Variants in MSI1 observed in about 807,000 individuals in gnomAD.
MSI1 encodes the protein RNA-binding protein Musashi homolog 1.
In MSI1, 15 loss-of-function variants were observed where a neutral mutation model predicts 54.4. The observed-to-expected ratio is 0.28, with a 90% CI of 0.18 to 0.42. MSI1 has a LOEUF of 0.42. Ranked by LOEUF, MSI1 falls within the 20% of genes least tolerant of loss-of-function variation. The probability of loss-of-function intolerance (pLI) is 1.00; values close to 1 mark genes in which losing one functional copy is unlikely to be tolerated. For synonymous variants in MSI1, 200 were observed against 196.5 expected (o/e 1.02, Z -0.15); for missense variants, 304 against 506.0 (o/e 0.60, Z 3.83).
chr12:120,344,878 C>T (rs1169366816), intron 14 of MSI1, among the ~76,000 whole-genome samples: 1 of 151,086 alleles, frequency 6.6e-6, no homozygotes, highest in Non-Finnish European at 1.5e-5. Context: ...TAGCTGGGTG[C>T]GGTAGCACAT....
rs1343258803 is a variant in MSI1, at chr12:120,369,077, C to T, written c.15G>A (p.Ala5=). The T allele has an allele frequency of 3.9e-5, 40 of 1,020,118 alleles. No individual in the cohort carries two copies. The highest frequency in any genetic ancestry group is 4.6e-5 in the Non-Finnish European group (39 of 856,820). The allele number at this position is 1,020,118 out of a possible 1,614,324, so 63.2% of individuals were successfully genotyped here. The stretch of plus-strand genomic sequence containing the variant: ...CCGGGGAGGCGAGGCCGGGCTGGGG[C>T]GCGTCAGTCTCCATCGGGAGCCGCG... METD[A]PQPGLASPDS... is the part of the protein sequence containing the mutation. Residue 5 remains alanine (A), a synonymous_variant, in exon 1 of 15, where the codon GCG becomes GCA. Transcript: ENST00000257552.
intron 5 of MSI1, among the ~76,000 whole-genome samples, chr12:120,363,901 C>G (rs532889472): frequency 4.1e-4 from 63 of 152,302 alleles, no homozygotes; most frequent in African/African-American, 1.4e-3. Context: ...TCTAGTTCCA[C>G]CTGGCAAAGG....
intron 11 of MSI1, 148 bp from the exon 12 acceptor site, chr12:120,347,662 C>T: frequency 1.1e-6 from 1 of 881,364 alleles, no homozygotes; most frequent in Non-Finnish European, 1.8e-6. Context: ...AAAAGGCTAC[C>T]TTGGGCCACA....
chr12:120,349,789 A>T (rs1259114353), intron 11 of MSI1, among the ~76,000 whole-genome samples: 1 of 152,188 alleles, frequency 6.6e-6, no homozygotes, highest in Non-Finnish European at 1.5e-5. Context: ...TAAAAGGGAC[A>T]TTTCTTCTGT....
rs193248560 is a variant in MSI1, at chr12:120,355,165, G to A, written c.652+1737C>T. On this transcript the variant is annotated intron_variant, in intron 9 of 14. Coordinates refer to ENST00000257552, the MANE Select transcript of MSI1 (RefSeq NM_002442.4). ...TCACGCCTGTAATCCCAGCACTTTG[G>A]GAGGCTGAGGCGGGCAGATCACGAG... 6.7e-3 allele frequency among the ~76,000 whole-genome samples: 1,022 copies of A among 152,116 alleles called. 15 individuals carry two copies. The highest frequency in any genetic ancestry group is 0.023 in the African/African-American group (968 of 41,518).
intron 13 of MSI1, 69 bp downstream of exon 13, chr12:120,346,066 C>T (rs141228600): frequency 1.5e-6 from 2 of 1,351,852 alleles, no homozygotes; most frequent in African/African-American, 1.5e-5. Flanking sequence ...AAGTTCTCTC[C>T]CTTCCCCAAC....
Position 120,368,361 on chromosome 12 carries a change from C to A in MSI1, c.101-88G>T. The A allele has an allele frequency of 6.0e-6, 8 of 1,324,610 alleles. No individual in the cohort carries two copies. Among genetic ancestry groups the A allele is most frequent in the Non-Finnish European group, 7.1e-6 (7 of 992,566 alleles). The allele number at this position is 1,324,610 out of a possible 1,614,324, so 82.1% of individuals were successfully genotyped here. A position where few individuals can be genotyped will look rare whatever the true frequency, so the allele number is the denominator to read the frequency against. On this transcript the variant is annotated intron_variant, in intron 2 of 14. Coordinates refer to ENST00000257552, the MANE Select transcript of MSI1 (RefSeq NM_002442.4). The surrounding 1 kb of genome is among the most constrained non-coding windows in gnomAD (Gnocchi z 6.6). The stretch of plus-strand genomic sequence containing the variant: ...TTTGCCCCCGGTGACCCCGGAGCGG[C>A]CCGGCCGCCCCCGCGCCAAGCTGCC...
At chr12:120,361,087 G>A (rs976940407) in intron 6 of MSI1, among the ~76,000 whole-genome samples, 11 of 152,122 alleles carry the variant, frequency 7.2e-5, no homozygotes, top group Non-Finnish European at 1.3e-4. Context: ...TACACGGGGG[G>A]AACGTGGCAA....
At chr12:120,340,025 G>A (rs1019628023), downstream of MSI1, among the ~76,000 whole-genome samples, 6 of 151,308 alleles carry the variant, frequency 4.0e-5, no homozygotes, top group South Asian at 6.3e-4. Context: ...CAAGGGATCC[G>A]CCTTCCTCAG....
intron 5 of MSI1, 70 bp from the exon 6 acceptor site, chr12:120,363,205 GCC>G: frequency 3.7e-6 from 5 of 1,344,620 alleles, no homozygotes; most frequent in Non-Finnish European, 5.3e-6. Context: ...AGGGGCTCGA[GCC>G]CCCCTGCCAG....
rs941336776 is a variant in MSI1 at position 120,368,591 on chromosome 12, C to T, written c.100+242G>A. ...GGAGTTGGCGCTGCCGCCGGCGGGTCCCGGGGGCCCAGCCCACCCCCCGAT... is the reference window on the plus strand; with the variant it reads ...GGAGTTGGCGCTGCCGCCGGCGGGTTCCGGGGGCCCAGCCCACCCCCCGAT... On this transcript the variant is annotated intron_variant, in intron 2 of 14. Coordinates refer to ENST00000257552, the MANE Select transcript of MSI1 (RefSeq NM_002442.4). The surrounding 1 kb of genome is among the most constrained non-coding windows in gnomAD (Gnocchi z 6.6). Among the ~76,000 whole-genome samples the T allele has an allele frequency of 6.6e-6, 1 of 151,902 alleles. No individual in the cohort carries two copies. Among genetic ancestry groups the T allele is most frequent in the African/African-American group, 2.4e-5 (1 of 41,412 alleles).
intron 9 of MSI1, among the ~76,000 whole-genome samples, chr12:120,354,654 C>A (rs1253957272): frequency 6.6e-6 from 1 of 152,210 alleles, no homozygotes. Context: ...TGGTCTCGAA[C>A]TCCCAACCTC....
chr12:120,364,737 A>C lies in MSI1; in HGVS notation c.286T>G (p.Phe96Val). ...ACCTTGGGCTGTGCTCGCCGAGGGAAGGCCACCTTAGGGTCAATCTACAAG... is the reference window on the plus strand; with the variant it reads ...ACCTTGGGCTGTGCTCGCCGAGGGACGGCCACCTTAGGGTCAATCTACAAG... ...DSKTIDPKVA[F>V]PRRAQPKMVT... Residue 96 changes from phenylalanine (F) to valine (V), a missense_variant, in exon 5 of 15, where the codon TTC (phenylalanine) becomes GTC (valine). This residue lies in a region of MSI1 where 105 missense variants were observed against 230.1 expected (regional missense o/e 0.46). Coordinates refer to ENST00000257552, the MANE Select transcript of MSI1 (RefSeq NM_002442.4). 1 of 1,600,298 alleles carries C rather than the reference A, an allele frequency of 6.2e-7. No homozygotes were observed. The highest frequency in any genetic ancestry group is 8.5e-7 in the Non-Finnish European group (1 of 1,173,636).
intron 6 of MSI1, 86 bp from the exon 7 acceptor site, chr12:120,359,139 C>A (rs951864221): frequency 2.0e-6 from 3 of 1,489,984 alleles, no homozygotes; most frequent in East Asian, 4.9e-5. Context: ...CAACCCACTG[C>A]CCTCTTGCCC....
chr12:120,346,426 C>G, intron 12 of MSI1, 104 bp from the exon 13 acceptor site: 1 of 1,198,058 alleles, frequency 8.3e-7, no homozygotes. Context: ...CCCCACATTT[C>G]AGAAAGTCCT....
At chr12:120,350,731 C>T (rs1296918195) in intron 11 of MSI1, among the ~76,000 whole-genome samples, 5 of 152,208 alleles carry the variant, frequency 3.3e-5, no homozygotes, top group Non-Finnish European at 5.9e-5. Context: ...GAAACCGGCC[C>T]CCTGTCACCT....
At chr12:120,363,280 C>T (rs2136980800) in intron 5 of MSI1, 145 bp from the exon 6 acceptor site, 1 of 640,104 alleles carries the variant, frequency 1.6e-6, no homozygotes, top group South Asian at 1.9e-5. Context: ...CCGCAAGCTC[C>T]CTCTTGGACC....
At chr12:120,366,579 C>A (rs1209453225) in intron 4 of MSI1, among the ~76,000 whole-genome samples, 3 of 152,110 alleles carry the variant, frequency 2.0e-5, no homozygotes, top group African/African-American at 4.8e-5. Context: ...ACGCACACCC[C>A]ATCCCTGACA....
intron 9 of MSI1, among the ~76,000 whole-genome samples, chr12:120,354,236 T>G (rs1373453376): frequency 1.3e-5 from 2 of 152,114 alleles, no homozygotes; most frequent in Non-Finnish European, 2.9e-5. Flanking sequence ...TCCTCCTGCC[T>G]TGGTCTGGAA....
Sources: gnomAD v4.1 joint callset for allele counts (sites outside exome capture counted in the v4.1 genomes callset) on GRCh38, gnomAD v4.1.1 for gene constraint, gnomAD v4.1.1 regional missense constraint, Gnocchi (gnomAD v3.1) non-coding constraint, MANE v1.5 for transcripts, NCBI Gene and HGNC (gene_info 2026-07-23, HGNC 2026-07-21) for gene names.